The following LRRTM4 variants were observed in gnomAD, a reference collection of about 807,000 sequenced individuals.
The protein encoded by LRRTM4 is leucine-rich repeat transmembrane neuronal protein 4.
LRRTM4 carries 25 observed loss-of-function variants against 47.6 expected under a neutral mutation model. The ratio of observed to expected loss-of-function variants is 0.53; its 90% CI spans 0.38 to 0.73. The LOEUF is 0.73. Ranked by LOEUF, LRRTM4 falls within the 30% of genes least tolerant of loss-of-function variation. LRRTM4 has a pLI of 0.00. For synonymous variants in LRRTM4, 311 were observed against 269.5 expected, an observed-to-expected ratio of 1.15 and a Z score of -1.51; for missense variants, 638 against 713.4, an observed-to-expected ratio of 0.89 and a Z score of 1.20.
Position 76,920,785 on chromosome 2 carries a change from T to C in LRRTM4, c.1552-171869A>G, listed in dbSNP as rs529518769. 3.3e-5 allele frequency among the ~76,000 whole-genome samples: 5 copies of C among 152,248 alleles called. No individual in the cohort carries two copies. In the South Asian group the frequency reaches 8.3e-4, roughly 25 times the overall value. On this transcript the variant is annotated intron_variant, in intron 3 of 3. Coordinates refer to ENST00000409884, the MANE Select transcript of LRRTM4 (RefSeq NM_001134745.3). ...CAAATCTTCTTTGCCTTCTACTTCATTCGCTAAAGCCCCATTATTATAGGT... is the reference window on the plus strand; with the variant it reads ...CAAATCTTCTTTGCCTTCTACTTCACTCGCTAAAGCCCCATTATTATAGGT...
At chr2:77,128,691 G>A (rs560368631) in intron 3 of LRRTM4, among the ~76,000 whole-genome samples, 1 of 152,290 alleles carries the variant, frequency 6.6e-6, no homozygotes, top group Admixed American at 6.5e-5. Flanking sequence ...GGAGGCTGGA[G>A]TGCAATGGCG....
chr2:76,989,949 C>T (rs1356666390), intron 3 of LRRTM4: 3 of 151,660 alleles, frequency 2.0e-5, no homozygotes, highest in Admixed American at 6.6e-5. Context: ...TGGCTATTTA[C>T]TTATATTGTT....
At chr2:77,279,144 G>A (rs1453745237) in intron 3 of LRRTM4, among the ~76,000 whole-genome samples, 1 of 151,794 alleles carries the variant, frequency 6.6e-6, no homozygotes, top group Non-Finnish European at 1.5e-5. Context: ...CTTACTCATG[G>A]GATCAACTGA....
In LRRTM4 at chr2:76,937,291, A is replaced by G. The variant is rs56063200; in HGVS notation, c.1552-188375T>C. 3.4e-3 allele frequency among the ~76,000 whole-genome samples: 514 copies of G among 152,206 alleles called. 2 individuals carry two copies. Among genetic ancestry groups the G allele is most frequent in the Non-Finnish European group, 4.4e-3 (301 of 68,020 alleles). On this transcript the variant is annotated intron_variant, in intron 3 of 3. Coordinates refer to ENST00000409884, the MANE Select transcript of LRRTM4 (RefSeq NM_001134745.3). ...GAAGTTTATTAACTGATGCAAACCA[A>G]AATCTCAATGTTTAGCCATAATCAG...
rs76447030 is a variant in LRRTM4, at chr2:76,991,527, T to C, written c.1552-242611A>G. 3.2e-3 allele frequency among the ~76,000 whole-genome samples: 485 copies of C among 151,836 alleles called. 3 individuals carry two copies. Among genetic ancestry groups the C allele is most frequent in the African/African-American group, 0.011 (436 of 41,502 alleles). On this transcript the variant is annotated intron_variant, in intron 3 of 3. Coordinates refer to ENST00000409884, the MANE Select transcript of LRRTM4 (RefSeq NM_001134745.3). The stretch of plus-strand genomic sequence containing the variant: ...CATACCAATGCACACGAAGTACAAA[T>C]TCTAGCGGAAATTTATAACAAATTC...
intron 3 of LRRTM4, among the ~76,000 whole-genome samples, chr2:76,775,145 C>A (rs1036020369): frequency 5.3e-5 from 8 of 152,160 alleles, no homozygotes; most frequent in Admixed American, 1.3e-4. Flanking sequence ...TGAATTCATT[C>A]ACAACATTTA....
chr2:76,933,378 G>A (rs974851410), intron 3 of LRRTM4, among the ~76,000 whole-genome samples: 4 of 151,878 alleles, frequency 2.6e-5, no homozygotes, highest in African/African-American at 9.7e-5. Context: ...TTCTCACACG[G>A]TCATACAAAT....
intron 3 of LRRTM4, among the ~76,000 whole-genome samples, chr2:77,187,566 T>C (rs1481910064): frequency 6.6e-6 from 1 of 151,932 alleles, no homozygotes; most frequent in Non-Finnish European, 1.5e-5. Flanking sequence ...ATGGCACGTG[T>C]ATACATATGT....
chr2:76,839,068 C>T (rs1281444015), intron 3 of LRRTM4, among the ~76,000 whole-genome samples: 1 of 152,126 alleles, frequency 6.6e-6, no homozygotes, highest in African/African-American at 2.4e-5. Context: ...TGTAACTATT[C>T]TGCACTGAAA....
At chr2:76,837,540 C>A (rs923902262) in intron 3 of LRRTM4, among the ~76,000 whole-genome samples, 2 of 152,112 alleles carry the variant, frequency 1.3e-5, no homozygotes. Flanking sequence ...TCCCTCTATA[C>A]ACTGCTTTGA....
chr2:77,078,033 TG>T (rs1165242757), intron 3 of LRRTM4, among the ~76,000 whole-genome samples: 2 of 152,196 alleles, frequency 1.3e-5, no homozygotes, highest in African/African-American at 4.8e-5. Flanking sequence ...GGCAGTGAAC[TG>T]CAGACTTTAC....
intron 3 of LRRTM4, among the ~76,000 whole-genome samples, chr2:76,948,735 T>C (rs1573355972): frequency 6.6e-6 from 1 of 151,978 alleles, no homozygotes; most frequent in African/African-American, 2.4e-5. Context: ...GTAATAATGA[T>C]TTGCCACAAG....
intron 3 of LRRTM4, among the ~76,000 whole-genome samples, chr2:77,057,326 C>G (rs1473749812): frequency 6.6e-6 from 1 of 152,106 alleles, no homozygotes; most frequent in African/African-American, 2.4e-5. Flanking sequence ...CTGGAAAAGA[C>G]TAGGCTAACA....
At chr2:77,517,259 C>T in intron 3 of LRRTM4, 1 of 983,528 alleles carries the variant, frequency 1.0e-6, no homozygotes, top group South Asian at 4.7e-5. Context: ...CAAATTTATT[C>T]TTATAAAAAC....
intron 3 of LRRTM4, among the ~76,000 whole-genome samples, chr2:76,954,376 A>C (rs967659030): frequency 3.2e-4 from 49 of 151,874 alleles, no homozygotes; most frequent in Non-Finnish European, 7.4e-5. Context: ...CCAACAAAAA[A>C]CAAAATTTTG....
At chr2:77,093,035 T>A (rs1670698121) in intron 3 of LRRTM4, among the ~76,000 whole-genome samples, 2 of 145,272 alleles carry the variant, frequency 1.4e-5, no homozygotes, top group Admixed American at 1.4e-4. Flanking sequence ...TAGACGCTCC[T>A]TTTATTAGGC....
intron 3 of LRRTM4, among the ~76,000 whole-genome samples, chr2:77,224,112 G>T (rs1175127288): frequency 6.6e-6 from 1 of 151,416 alleles, no homozygotes; most frequent in African/African-American, 2.4e-5. Context: ...AATGGGGAAA[G>T]GATTCCCTAT....
intron 3 of LRRTM4, among the ~76,000 whole-genome samples, chr2:77,157,446 A>T (rs1385093483): frequency 1.3e-5 from 2 of 152,146 alleles, no homozygotes; most frequent in Non-Finnish European, 2.9e-5. Flanking sequence ...TTGTATAGAC[A>T]TCTTGATTAT....
rs139215592 is a variant in LRRTM4 at position 77,447,388 on chromosome 2, T to C, written c.1551+70930A>G. On this transcript the variant is annotated intron_variant, in intron 3 of 3. Transcript: ENST00000409884. ...TGTGCAATTCTGCCCACAAGAACAA[T>C]AGGCACATGCAGAAAACTGTATCCG... Among the ~76,000 whole-genome samples, 67 of 152,186 alleles carry C rather than the reference T, an allele frequency of 4.4e-4. No homozygotes were observed. In the East Asian group the frequency reaches 0.012, roughly 27 times the overall value.
Sources: gnomAD v4.1 joint callset for allele counts (sites outside exome capture counted in the v4.1 genomes callset) on GRCh38, gnomAD v4.1.1 for gene constraint, MANE v1.5 for transcripts, NCBI Gene and HGNC (gene_info 2026-07-23, HGNC 2026-07-21) for gene names.